ROCK1: variants seen among roughly 807,000 people sequenced by gnomAD.
The protein encoded by ROCK1 is rho-associated protein kinase 1.
Under a neutral mutation model 196.8 loss-of-function variants are expected in ROCK1, and 36 were observed. The observed-to-expected ratio is 0.18, with a 90% CI of 0.14 to 0.24. The LOEUF (loss-of-function observed/expected upper bound fraction) is 0.24. Ranked by LOEUF, ROCK1 falls within the 10% of genes least tolerant of loss-of-function variation. The probability of loss-of-function intolerance (pLI) is 1.00; values close to 1 mark genes in which losing one functional copy is unlikely to be tolerated. For synonymous variants in ROCK1, 443 were observed against 515.9 expected (o/e 0.86, Z 1.91); for missense variants, 920 against 1,562.0 (o/e 0.59, Z 6.93).
intron 16 of ROCK1, among the ~76,000 whole-genome samples, chr18:20,996,009 A>G (rs537810961): frequency 1.3e-5 from 2 of 152,280 alleles, no homozygotes; most frequent in African/African-American, 2.4e-5. Context: ...CCAGACACCA[A>G]CAAACAACCA....
intron 20 of ROCK1, 104 bp downstream of exon 20, chr18:20,984,247 A>T: frequency 5.8e-6 from 5 of 856,266 alleles, no homozygotes. Flanking sequence ...TCTGTCTTTC[A>T]CAAACTCTAA....
intron 27 of ROCK1, among the ~76,000 whole-genome samples, chr18:20,963,033 C>G (rs1031362331): frequency 2.0e-5 from 3 of 152,006 alleles, no homozygotes; most frequent in Non-Finnish European, 4.4e-5. Context: ...TAAATTCCAT[C>G]TTTTATATCA....
intron 29 of ROCK1, among the ~76,000 whole-genome samples, chr18:20,957,485 C>CT (rs60294950): frequency 0.22 from 29,526 of 136,722 alleles, 135 homozygotes; most frequent in East Asian, 0.36. Flanking sequence ...TTTCCTTTTT[C>CT]TTTTTTTTTT....
At chr18:20,968,357 C>T (rs1214207886) in intron 25 of ROCK1, 2 of 171,374 alleles carry the variant, frequency 1.2e-5, no homozygotes, top group Non-Finnish European at 1.2e-5. Flanking sequence ...CCCAGGCTGG[C>T]ATGCAGTGGC....
At chr18:21,020,510 G>A (rs1481160695) in intron 11 of ROCK1, among the ~76,000 whole-genome samples, 1 of 152,038 alleles carries the variant, frequency 6.6e-6, no homozygotes, top group African/African-American at 2.4e-5. Flanking sequence ...TAAATTGGAA[G>A]AGAAAAAAGA....
intron 16 of ROCK1, among the ~76,000 whole-genome samples, chr18:20,993,281 G>T (rs2035642467): frequency 6.6e-6 from 1 of 152,122 alleles, no homozygotes; most frequent in African/African-American, 2.4e-5. Flanking sequence ...TCAGCTCACT[G>T]CAAGCTCTGC....
chr18:21,038,391 A>G (rs1372538874), intron 9 of ROCK1, among the ~76,000 whole-genome samples: 1 of 152,126 alleles, frequency 6.6e-6, no homozygotes, highest in East Asian at 1.9e-4. Flanking sequence ...CTTAATTTCC[A>G]GAGGATTTAT....
intron 18 of ROCK1, among the ~76,000 whole-genome samples, chr18:20,989,836 T>G (rs200417628): frequency 6.6e-6 from 1 of 152,100 alleles, no homozygotes; most frequent in East Asian, 1.9e-4. Context: ...CTTTCATTAT[T>G]TACTTGTGAA....
intron 13 of ROCK1, among the ~76,000 whole-genome samples, chr18:21,010,512 G>C (rs374880949): frequency 6.6e-6 from 1 of 152,144 alleles, no homozygotes; most frequent in East Asian, 1.9e-4. Context: ...GGGTTATTTA[G>C]AAGTTTATTG....
At chr18:21,048,940 A>G (rs2036182721) in intron 4 of ROCK1, 152 bp downstream of exon 4, 1 of 535,894 alleles carries the variant, frequency 1.9e-6, no homozygotes, top group Non-Finnish European at 3.0e-6. Flanking sequence ...AAATGATTCA[A>G]TACAATTAAA....
At chr18:20,976,567 G>A (rs912063001) in intron 22 of ROCK1, among the ~76,000 whole-genome samples, 9 of 152,078 alleles carry the variant, frequency 5.9e-5, no homozygotes, top group Non-Finnish European at 7.4e-5. Flanking sequence ...TTACATTAAC[G>A]AATATATCTG....
At chr18:21,080,448 A>G (rs1250367211) in intron 1 of ROCK1, among the ~76,000 whole-genome samples, 3 of 152,130 alleles carry the variant, frequency 2.0e-5, no homozygotes, top group Non-Finnish European at 2.9e-5. Context: ...ACAAAGAGAA[A>G]GAAACTATAT....
At chr18:21,031,239 A>T in intron 9 of ROCK1, among the ~76,000 whole-genome samples, 1 of 152,208 alleles carries the variant, frequency 6.6e-6, no homozygotes, top group East Asian at 1.9e-4. Context: ...AACAATGTCC[A>T]GTTTACAACA....
chr18:20,991,436 A>C (rs2035625234), intron 17 of ROCK1, 110 bp from the exon 18 acceptor site: 1 of 697,440 alleles, frequency 1.4e-6, no homozygotes, highest in Non-Finnish European at 2.3e-6. Flanking sequence ...TTTAAAAATC[A>C]CAATAAACAC....
chr18:20,993,599 T>C (rs1337257496), intron 16 of ROCK1, among the ~76,000 whole-genome samples: 1 of 152,200 alleles, frequency 6.6e-6, no homozygotes, highest in African/African-American at 2.4e-5. Flanking sequence ...AAGTGTTTAA[T>C]AAAATTACTT....
chr18:21,071,317 TACAGGCTC>T (rs1235217997), intron 1 of ROCK1, among the ~76,000 whole-genome samples: 2 of 151,568 alleles, frequency 1.3e-5, no homozygotes, highest in African/African-American at 4.8e-5. Context: ...TAGCGGGGAC[TACAGGCTC>T]ACGCTACCAC....
In ROCK1 at chr18:20,947,976, G is replaced by C. The variant is rs1486164167; in HGVS notation, c.*3408C>G. ...AATACAAAAATTAGCTGGGCATGGT[G>C]GTGGGCACCTGTAATCCCAGCTACT... On this transcript the variant is annotated 3_prime_UTR_variant, in exon 33 of 33. Transcript: ENST00000399799. The C allele has an allele frequency of 2.6e-5, 4 of 151,892 alleles. No individual in the cohort carries two copies. Among genetic ancestry groups the C allele is most frequent in the Non-Finnish European group, 5.9e-5 (4 of 68,002 alleles). The allele number at this position is 151,892 out of a possible 1,614,324, so 9.4% of individuals were successfully genotyped here.
At chr18:21,026,821 G>T (rs1414411132) in intron 10 of ROCK1, among the ~76,000 whole-genome samples, 1 of 151,976 alleles carries the variant, frequency 6.6e-6, no homozygotes, top group Non-Finnish European at 1.5e-5. Context: ...AGTATAATTT[G>T]ATTAGAAGTA....
At chr18:21,108,750 A>T (rs1440547262) in intron 1 of ROCK1, among the ~76,000 whole-genome samples, 3 of 152,192 alleles carry the variant, frequency 2.0e-5, no homozygotes, top group South Asian at 4.1e-4. Context: ...TAACAATTTT[A>T]AAAAACTGTC....
Sources: allele counts gnomAD v4.1 joint callset (sites outside exome capture counted in the v4.1 genomes callset), GRCh38; gene constraint gnomAD v4.1.1; transcripts MANE v1.5; gene names NCBI Gene and HGNC (gene_info 2026-07-23, HGNC 2026-07-21).